Variants in FAF1 observed in about 807,000 individuals in gnomAD.
FAF1 encodes the protein Fas associated factor 1, also known as FAS-associated factor 1.
FAF1 carries 25 observed loss-of-function variants against 92.5 expected under a neutral mutation model. The observed-to-expected ratio is 0.27, with a 90% CI of 0.20 to 0.38. The LOEUF (loss-of-function observed/expected upper bound fraction) is 0.38, where lower values mean the gene tolerates loss of function less well. FAF1 is among the 10% of genes least tolerant of loss of function. The pLI is 1.00. For synonymous variants in FAF1, 234 were observed against 273.2 expected, an observed-to-expected ratio of 0.86 and a Z score of 1.42; for missense variants, 636 against 793.3, an observed-to-expected ratio of 0.80 and a Z score of 2.38.
intron 2 of FAF1, among the ~76,000 whole-genome samples, chr1:50,844,402 T>C (rs1644281274): frequency 6.6e-6 from 1 of 152,116 alleles, no homozygotes; most frequent in African/African-American, 2.4e-5. Flanking sequence ...GGCAGATACT[T>C]AGATATTCAC....
At chr1:50,845,149 A>G (rs1217948836) in intron 2 of FAF1, among the ~76,000 whole-genome samples, 1 of 152,202 alleles carries the variant, frequency 6.6e-6, no homozygotes, top group African/African-American at 2.4e-5. Flanking sequence ...CTCTTTAGAT[A>G]TCTCTCTCCT....
intron 12 of FAF1, among the ~76,000 whole-genome samples, chr1:50,572,201 C>T (rs189761336): frequency 6.6e-6 from 1 of 152,216 alleles, no homozygotes; most frequent in African/African-American, 2.4e-5. Context: ...TTATTCTTCA[C>T]CTAGATTTAC....
intron 6 of FAF1, among the ~76,000 whole-genome samples, chr1:50,724,276 TACACACACACACACACACATAC>T (rs1316646172): frequency 0.01 from 1,161 of 114,896 alleles, 12 homozygotes; most frequent in Middle Eastern, 0.083. Context: ...TATATACATA[TACACACACACACACACACATAC>T]ACACACACAC....
At chr1:50,517,689 G>A (rs1647270426) in intron 15 of FAF1, among the ~76,000 whole-genome samples, 1 of 152,166 alleles carries the variant, frequency 6.6e-6, no homozygotes, top group Admixed American at 6.5e-5. Flanking sequence ...GAAAGATTGT[G>A]CAATCCCAAC....
chr1:50,818,457 G>A (rs890897816), intron 2 of FAF1, among the ~76,000 whole-genome samples: 8 of 152,100 alleles, frequency 5.3e-5, no homozygotes, highest in African/African-American at 7.2e-5. Flanking sequence ...TATTCGTACC[G>A]GATACAACCA....
chr1:50,737,762 T>A (rs891094585), intron 6 of FAF1, among the ~76,000 whole-genome samples: 3 of 152,202 alleles, frequency 2.0e-5, no homozygotes, highest in Admixed American at 6.5e-5. Flanking sequence ...AATTTAATTT[T>A]ATTTTTGCTA....
intron 2 of FAF1, among the ~76,000 whole-genome samples, chr1:50,851,310 T>G (rs998393808): frequency 6.6e-5 from 10 of 152,086 alleles, no homozygotes; most frequent in Admixed American, 2.6e-4. Flanking sequence ...TCAAACTAAG[T>G]GACCCACTCG....
At chr1:50,793,367 A>G (rs1397432153) in intron 3 of FAF1, among the ~76,000 whole-genome samples, 3 of 152,212 alleles carry the variant, frequency 2.0e-5, no homozygotes, top group African/African-American at 7.2e-5. Context: ...ACTAGATGCT[A>G]ACTCTAAAAT....
intron 2 of FAF1, among the ~76,000 whole-genome samples, chr1:50,833,841 CA>C (rs1327265138): frequency 5.3e-5 from 8 of 152,230 alleles, no homozygotes; most frequent in African/African-American, 1.7e-4. Context: ...CTTACCATCT[CA>C]AATTGTAAAG....
At chr1:50,486,931 A>C (rs1199231810) in intron 17 of FAF1, among the ~76,000 whole-genome samples, 2 of 152,202 alleles carry the variant, frequency 1.3e-5, no homozygotes, top group Non-Finnish European at 2.9e-5. Flanking sequence ...GCATTTCTCT[A>C]GTTACTATAA....
intron 1 of FAF1, among the ~76,000 whole-genome samples, chr1:50,881,904 A>G (rs1191704198): frequency 6.6e-6 from 1 of 152,208 alleles, no homozygotes; most frequent in East Asian, 1.9e-4. Context: ...ATACAGGTAA[A>G]GCATAAATTT....
In FAF1 at chr1:50,714,994, T is replaced by TA. The variant is rs199878187; in HGVS notation, c.552-9104dup. ...TTCAAACACTGTAACAGATATAAAG[T>TA]AAAAAAAAACCTGTTGCAAAGTTCT... On this transcript the variant is annotated intron_variant, in intron 6 of 18. Transcript: ENST00000396153. 1,718 of 424,440 alleles carry TA rather than the reference T, an allele frequency of 4.0e-3. 25 individuals carry two copies. Among genetic ancestry groups the TA allele is most frequent in the African/African-American group, 0.025 (1,225 of 48,106 alleles). 26.3% of individuals were successfully genotyped at this position (424,440 alleles called of 1,614,324 possible). A position where few individuals can be genotyped will look rare whatever the true frequency, so the allele number is the denominator to read the frequency against.
intron 13 of FAF1, among the ~76,000 whole-genome samples, chr1:50,543,927 T>C (rs1648877361): frequency 6.6e-6 from 1 of 152,182 alleles, no homozygotes; most frequent in East Asian, 1.9e-4. Flanking sequence ...TTAATCATAA[T>C]ATGGCGAAAG....
intron 2 of FAF1, among the ~76,000 whole-genome samples, chr1:50,835,345 T>A (rs1644190623): frequency 6.6e-6 from 1 of 152,072 alleles, no homozygotes; most frequent in African/African-American, 2.4e-5. Flanking sequence ...AGAGAAAGAT[T>A]TAAGAGAAAT....
At chr1:50,566,814 G>A (rs1650193869) in intron 13 of FAF1, among the ~76,000 whole-genome samples, 1 of 152,054 alleles carries the variant, frequency 6.6e-6, no homozygotes, top group Non-Finnish European at 1.5e-5. Context: ...TATTAGAAAT[G>A]TCTGTTGCAC....
chr1:50,453,025 C>T (rs1415277604), intron 18 of FAF1, among the ~76,000 whole-genome samples: 1 of 152,154 alleles, frequency 6.6e-6, no homozygotes, highest in Non-Finnish European at 1.5e-5. Context: ...TCTTAAATGA[C>T]TCCTTGCCAA....
chr1:50,736,164 T>C (rs890085197), intron 6 of FAF1, among the ~76,000 whole-genome samples: 18 of 152,334 alleles, frequency 1.2e-4, no homozygotes, highest in African/African-American at 4.3e-4. Context: ...TACATAAACC[T>C]TCCCATTTTA....
chr1:50,771,088 T>A (rs533432613), intron 4 of FAF1, among the ~76,000 whole-genome samples: 1 of 152,154 alleles, frequency 6.6e-6, no homozygotes, highest in South Asian at 2.1e-4. Context: ...TTACAGCATA[T>A]ACAAAAATCA....
At chr1:50,891,093 G>A (rs967089833) in intron 1 of FAF1, among the ~76,000 whole-genome samples, 2 of 151,952 alleles carry the variant, frequency 1.3e-5, no homozygotes, top group African/African-American at 2.4e-5. Flanking sequence ...TTCCCTTCTT[G>A]CTTAATTTCA....
Sources: allele counts gnomAD v4.1 joint callset (sites outside exome capture counted in the v4.1 genomes callset), GRCh38; gene constraint gnomAD v4.1.1; transcripts MANE v1.5; gene names NCBI Gene and HGNC (gene_info 2026-07-23, HGNC 2026-07-21).